PLCH2: variants seen among roughly 807,000 people sequenced by gnomAD.
PLCH2 encodes phospholipase C eta 2, also known as 1-phosphatidylinositol 4,5-bisphosphate phosphodiesterase eta-2.
A neutral mutation model predicts 134.7 loss-of-function variants in PLCH2; 98 were observed. That is an observed-to-expected ratio of 0.73 (90% CI 0.62 to 0.86). The LOEUF is 0.86. Among genes scored for constraint, PLCH2 ranks in the 40% least tolerant of loss-of-function variants. PLCH2 has a pLI of 0.00. For missense variants in PLCH2, 1,994 were observed against 1,986.6 expected (o/e 1.00, Z -0.07); for synonymous variants, 974 against 827.5 (o/e 1.18, Z -3.04).
At position 2,476,587 on chromosome 1, in the gene PLCH2, C is replaced by T. The variant is rs1364053995; in HGVS notation, c.-2C>T. On this transcript the variant is annotated 5_prime_UTR_variant, in exon 1 of 22. Coordinates refer to ENST00000378486, the MANE Select transcript of PLCH2 (RefSeq NM_014638.4). Reference sequence around the variant, plus strand: ...TGAAGCAGGCCCGGCTGTCGTCAGGCCATGTCTGGTCCATGGCCCTCCCCC... The same window carrying T: ...TGAAGCAGGCCCGGCTGTCGTCAGGTCATGTCTGGTCCATGGCCCTCCCCC... 4 of 1,548,634 alleles carry T rather than the reference C, an allele frequency of 2.6e-6. No individual in the cohort carries two copies. Among genetic ancestry groups the T allele is most frequent in the South Asian group, 1.2e-5 (1 of 83,084 alleles).
At chr1:2,501,835 T>C (rs1643240988) in intron 20 of PLCH2, 4 of 420,512 alleles carry the variant, frequency 9.5e-6, no homozygotes, top group Non-Finnish European at 1.7e-5. Context: ...CCACATGCCC[T>C]GGACAGGTCA....
intron 2 of PLCH2, among the ~76,000 whole-genome samples, chr1:2,455,504 G>A (rs1228248812): frequency 6.6e-6 from 1 of 152,218 alleles, no homozygotes; most frequent in East Asian, 1.9e-4. Context: ...GGCCTACTGG[G>A]GGCGCAGGGA....
At chr1:2,434,737 G>A (rs952593908) in intron 2 of PLCH2, among the ~76,000 whole-genome samples, 12 of 152,188 alleles carry the variant, frequency 7.9e-5, no homozygotes, top group Non-Finnish European at 1.0e-4. Context: ...GGAGAGCCTC[G>A]CCGGTTGTGT....
intron 2 of PLCH2, among the ~76,000 whole-genome samples, chr1:2,436,006 CGCT>C (rs1639318698): frequency 9.7e-6 from 1 of 103,510 alleles, no homozygotes; most frequent in Non-Finnish European, 2.1e-5. Flanking sequence ...CCCTTCCTCC[CGCT>C]TCCCTCCTCT....
rs1452619236 is a variant in PLCH2 at position 2,444,410 on chromosome 1, T to TG, written c.115+13787dup. Among the ~76,000 whole-genome samples the TG allele has an allele frequency of 2.0e-5, 3 of 152,056 alleles. No homozygotes were observed. The highest frequency in any genetic ancestry group is 6.5e-5 in the Admixed American group (1 of 15,284). Reference sequence around the variant, plus strand: ...TCTGCCTGGGCTGCAGGTGCTCATCTGGGGGGAGCCGGCCTCTCCCCACAC... The same window carrying TG: ...TCTGCCTGGGCTGCAGGTGCTCATCTGGGGGGGAGCCGGCCTCTCCCCACAC... On this transcript the variant is annotated intron_variant, in intron 2 of 3. Transcript: ENST00000609981. This position sits in a 1 kb window ranked among gnomAD's most constrained non-coding sequence, Gnocchi z 4.6.
chr1:2,453,873 G>A (rs1038069214), intron 2 of PLCH2, among the ~76,000 whole-genome samples: 5 of 152,166 alleles, frequency 3.3e-5, no homozygotes, highest in African/African-American at 7.2e-5. Context: ...CAACGGTGGC[G>A]GGGGCTGCTG....
chr1:2,425,663 A>C (rs1638758115), upstream of PLCH2, among the ~76,000 whole-genome samples: 1 of 150,190 alleles, frequency 6.7e-6, no homozygotes, highest in Non-Finnish European at 1.5e-5. Flanking sequence ...ACAGGCACGT[A>C]CCACCGCGCC....
At chr1:2,451,309 C>T (rs1028290038) in intron 2 of PLCH2, among the ~76,000 whole-genome samples, 4 of 152,218 alleles carry the variant, frequency 2.6e-5, no homozygotes, top group South Asian at 2.1e-4. Context: ...TGTGCCTCCC[C>T]GGCCCCCGAA....
Position 2,487,261 on chromosome 1 carries a change from C to T in PLCH2, c.999C>T (p.Ser333=). The T allele has an allele frequency of 1.2e-6, 2 of 1,613,250 alleles. No individual in the cohort carries two copies. Among genetic ancestry groups the T allele is most frequent in the Non-Finnish European group, 1.7e-6 (2 of 1,179,624 alleles). The change falls in exon 7 of 22, where the codon AGC becomes AGT. Residue 333 remains serine, a synonymous_variant. Transcript: ENST00000378486. Reference sequence around the variant, plus strand: ...ACCAGGACATGACGCAGCCGCTGAGCCACTACTTCATCACCTCGTCCCACA... The same window carrying T: ...ACCAGGACATGACGCAGCCGCTGAGTCACTACTTCATCACCTCGTCCCACA... The part of the protein sequence containing the change: ...HVHQDMTQPL[S]HYFITSSHNT...
At position 2,480,225 on chromosome 1, in the gene PLCH2, T is replaced by C; in HGVS notation, c.558T>C (p.Asp186=). ...QTFDEADKNG[D]GSLSIGEVLQ... ...TTGACGAGGCCGACAAGAACGGGGA[T>C]GGCAGCCTGAGCATTGGCGAGGTCC... The change falls in exon 4 of 22, where the codon GAT becomes GAC. Residue 186 remains aspartate, a synonymous_variant. Transcript: ENST00000378486. The C allele has an allele frequency of 6.2e-7, 1 of 1,612,868 alleles. No homozygotes were observed. Among genetic ancestry groups the C allele is most frequent in the Non-Finnish European group, 8.5e-7 (1 of 1,179,838 alleles).
chr1:2,428,049 TG>T (rs1183130952), intron 1 of PLCH2, among the ~76,000 whole-genome samples: 1 of 152,188 alleles, frequency 6.6e-6, no homozygotes, highest in African/African-American at 2.4e-5. Flanking sequence ...GGCCCGGAGC[TG>T]GGCCTGGGCC....
chr1:2,497,404 C>A, intron 15 of PLCH2, 98 bp from the exon 16 acceptor site: 1 of 788,358 alleles, frequency 1.3e-6, no homozygotes, highest in Non-Finnish European at 2.1e-6. Flanking sequence ...AGATACGCGG[C>A]AGCTGTGCAG....
In PLCH2 at chr1:2,497,493, C is replaced by A. The variant is rs371402951; in HGVS notation, c.2117-9C>A. 4.7e-5 allele frequency: 72 copies of A among 1,545,358 alleles called. No individual in the cohort carries two copies. The highest frequency in any genetic ancestry group is 6.1e-5 in the Non-Finnish European group (70 of 1,142,528). ...TGCTGACCAGGGCAGCCTTGTGTCA[C>A]CCTCGCAGTTGCCCTGAACTACCAG... On this transcript the variant is annotated splice_polypyrimidine_tract_variant and intron_variant, in intron 15 of 21. Coordinates refer to ENST00000378486, the MANE Select transcript of PLCH2 (RefSeq NM_014638.4).
At chr1:2,449,618 G>C (rs569769396) in intron 2 of PLCH2, among the ~76,000 whole-genome samples, 1 of 152,336 alleles carries the variant, frequency 6.6e-6, no homozygotes, top group African/African-American at 2.4e-5. Context: ...GCCTCTGCCT[G>C]GCCTGGGTGG....
At chr1:2,465,854 C>T (rs1641035222), upstream of PLCH2, among the ~76,000 whole-genome samples, 1 of 152,100 alleles carries the variant, frequency 6.6e-6, no homozygotes, top group South Asian at 2.1e-4. Flanking sequence ...GGGCCTCTGT[C>T]CACTCCAAGG....
In PLCH2 at chr1:2,491,177, C is replaced by T; in HGVS notation, c.1516-15C>T. ...TCGGGACAGATGCCAACAGGCCGGCCTCTGGCTCCTGCAGGCATCCACCAA... is the reference window on the plus strand; with the variant it reads ...TCGGGACAGATGCCAACAGGCCGGCTTCTGGCTCCTGCAGGCATCCACCAA... On this transcript the variant is annotated splice_polypyrimidine_tract_variant and intron_variant, in intron 10 of 21. Coordinates refer to ENST00000378486, the MANE Select transcript of PLCH2 (RefSeq NM_014638.4). 1 of 1,608,916 alleles carries T rather than the reference C, an allele frequency of 6.2e-7. No individual in the cohort carries two copies. The highest frequency in any genetic ancestry group is 8.5e-7 in the Non-Finnish European group (1 of 1,177,844).
At chr1:2,425,485 G>T (rs1202079339), upstream of PLCH2, among the ~76,000 whole-genome samples, 3 of 152,124 alleles carry the variant, frequency 2.0e-5, no homozygotes, top group Non-Finnish European at 2.9e-5. Context: ...GTATATGCAG[G>T]AGTGGGGTTG....
chr1:2,499,485 T>TG (rs1461918418), intron 19 of PLCH2, among the ~76,000 whole-genome samples, 156 bp from the exon 20 acceptor site: 2 of 149,830 alleles, frequency 1.3e-5, no homozygotes, highest in Non-Finnish European at 3.0e-5. Flanking sequence ...CTGGAGGAGG[T>TG]GGGGTAGTGC....
intron 2 of PLCH2, among the ~76,000 whole-genome samples, chr1:2,454,648 G>A (rs1640400610): frequency 1.3e-5 from 2 of 152,154 alleles, no homozygotes; most frequent in Non-Finnish European, 2.9e-5. Flanking sequence ...GCCTCCGAGT[G>A]GGGAGGGGCC....
Sources: gnomAD v4.1 joint callset for allele counts (sites outside exome capture counted in the v4.1 genomes callset) on GRCh38, gnomAD v4.1.1 for gene constraint, Gnocchi (gnomAD v3.1) non-coding constraint, MANE v1.5 for transcripts, NCBI Gene and HGNC (gene_info 2026-07-23, HGNC 2026-07-21) for gene names.